Variants in DYNC1I1 observed in about 807,000 individuals in gnomAD.
DYNC1I1 encodes cytoplasmic dynein 1 intermediate chain 1.
In DYNC1I1, 43 loss-of-function variants were observed where a neutral mutation model predicts 86.6. The ratio of observed to expected loss-of-function variants is 0.50; its 90% CI spans 0.39 to 0.64. The LOEUF (loss-of-function observed/expected upper bound fraction) is 0.64. Among genes scored for constraint, DYNC1I1 ranks in the 30% least tolerant of loss-of-function variants. The pLI is 0.00. For missense variants in DYNC1I1, 604 were observed against 788.8 expected (o/e 0.77, Z 2.81); for synonymous variants, 262 against 283.7 (o/e 0.92, Z 0.77).
intron 5 of DYNC1I1, among the ~76,000 whole-genome samples, chr7:95,842,827 C>T (rs1284797565): frequency 6.6e-6 from 1 of 151,842 alleles, no homozygotes; most frequent in Non-Finnish European, 1.5e-5. Context: ...GCCTCCTATT[C>T]TGTTTTTTTG....
At chr7:95,819,253 C>G (rs935963518) in intron 4 of DYNC1I1, among the ~76,000 whole-genome samples, 15 of 152,238 alleles carry the variant, frequency 9.9e-5, no homozygotes, top group Admixed American at 4.6e-4. Context: ...AGTTACTATT[C>G]AGTTTCTTAT....
intron 5 of DYNC1I1, among the ~76,000 whole-genome samples, chr7:95,849,145 T>G (rs1562920985): frequency 1.3e-5 from 2 of 152,210 alleles, no homozygotes. Flanking sequence ...GATGTAAGTT[T>G]GCAAATATTT....
intron 13 of DYNC1I1, 109 bp downstream of exon 13, chr7:96,035,861 T>G (rs1371949412): frequency 6.5e-7 from 1 of 1,536,208 alleles, no homozygotes; most frequent in Non-Finnish European, 8.8e-7. Context: ...TCTGGAAAAA[T>G]GGAAAGCACG....
At chr7:96,060,445 C>T (rs781080679) in intron 14 of DYNC1I1, among the ~76,000 whole-genome samples, 6 of 152,232 alleles carry the variant, frequency 3.9e-5, no homozygotes, top group Non-Finnish European at 7.3e-5. Context: ...AGATACCCCA[C>T]AATCCCTCAA....
chr7:95,812,679 C>T (rs1454933922), intron 3 of DYNC1I1, among the ~76,000 whole-genome samples: 1 of 152,176 alleles, frequency 6.6e-6, no homozygotes, highest in African/African-American at 2.4e-5. Context: ...CCAGTTTCAA[C>T]ATTTACCCTT....
chr7:95,928,800 T>A (rs968803792), intron 6 of DYNC1I1, among the ~76,000 whole-genome samples: 1 of 152,174 alleles, frequency 6.6e-6, no homozygotes, highest in Non-Finnish European at 1.5e-5. Context: ...CAAATGGAGA[T>A]AATAATAGTC....
At chr7:96,103,826 A>G (rs1329691968) in intron 16 of DYNC1I1, among the ~76,000 whole-genome samples, 1 of 152,054 alleles carries the variant, frequency 6.6e-6, no homozygotes, top group Non-Finnish European at 1.5e-5. Flanking sequence ...GTTAGCAAGG[A>G]TGGTCTGGAT....
At chr7:95,900,433 A>G (rs1256427367) in intron 6 of DYNC1I1, among the ~76,000 whole-genome samples, 1 of 152,098 alleles carries the variant, frequency 6.6e-6, no homozygotes, top group African/African-American at 2.4e-5. Context: ...CCTGGATACA[A>G]TATACACATT....
intron 10 of DYNC1I1, among the ~76,000 whole-genome samples, chr7:96,012,278 C>T (rs371159024): frequency 2.6e-5 from 4 of 152,132 alleles, no homozygotes; most frequent in African/African-American, 7.2e-5. Flanking sequence ...CAAATAACAG[C>T]AGAGTTTGGG....
chr7:96,063,188 A>G (rs1307685472), intron 14 of DYNC1I1, among the ~76,000 whole-genome samples: 1 of 151,814 alleles, frequency 6.6e-6, no homozygotes, highest in African/African-American at 2.4e-5. Context: ...GAGGCGCAAT[A>G]TAGCTGATGG....
chr7:96,057,534 C>T (rs186832612), intron 14 of DYNC1I1, among the ~76,000 whole-genome samples: 33 of 152,238 alleles, frequency 2.2e-4, no homozygotes, highest in African/African-American at 7.5e-4. Flanking sequence ...AAATTATCTA[C>T]CAGGTTTTTT....
At chr7:95,808,749 G>C (rs17486495) in intron 2 of DYNC1I1, among the ~76,000 whole-genome samples, 23,684 of 152,136 alleles carry the variant, frequency 0.16, 2,298 homozygotes, top group East Asian at 0.27. Flanking sequence ...TCCTCTCTGG[G>C]TTTCAGCTGT....
At chr7:96,092,372 GTCCTAGAAGATGGATCTTACAA>G (rs1327008229) in intron 16 of DYNC1I1, among the ~76,000 whole-genome samples, 1 of 152,140 alleles carries the variant, frequency 6.6e-6, no homozygotes, top group Non-Finnish European at 1.5e-5. Context: ...TTAATATACA[GTCCTAGAAGATGGATCTTACAA>G]TTTGTTTCAC....
chr7:96,043,438 A>G (rs1789116628), intron 14 of DYNC1I1, among the ~76,000 whole-genome samples: 1 of 152,082 alleles, frequency 6.6e-6, no homozygotes, highest in African/African-American at 2.4e-5. Flanking sequence ...CAATCAACCA[A>G]ACCCAGACCG....
intron 14 of DYNC1I1, among the ~76,000 whole-genome samples, chr7:96,050,596 A>G (rs1280556232): frequency 6.6e-6 from 1 of 152,152 alleles, no homozygotes. Flanking sequence ...CTAAGTTCCT[A>G]AACAATACCC....
rs545785438 is a variant in DYNC1I1, at chr7:96,092,056, T to G, written c.1777-5427T>G. Among the ~76,000 whole-genome samples the G allele has an allele frequency of 4.6e-5, 7 of 152,252 alleles. No homozygotes were observed. In the East Asian group the frequency reaches 1.4e-3, roughly 29 times the overall value. Reference sequence around the variant, plus strand: ...AGCAACTCTGAAAGAATTTTTCTTGTGATTTGAAAGAACTCTTTCCCTGTC... The same window carrying G: ...AGCAACTCTGAAAGAATTTTTCTTGGGATTTGAAAGAACTCTTTCCCTGTC... On this transcript the variant is annotated intron_variant, in intron 16 of 16. Coordinates refer to ENST00000447467, the MANE Select transcript of DYNC1I1 (RefSeq NM_001135556.2).
At chr7:96,030,261 T>G (rs1259267787) in intron 11 of DYNC1I1, among the ~76,000 whole-genome samples, 1 of 151,428 alleles carries the variant, frequency 6.6e-6, no homozygotes, top group African/African-American at 2.4e-5. Context: ...CCAAGATAAA[T>G]AAAAACAATC....
At chr7:95,856,701 C>T (rs1420460740) in intron 5 of DYNC1I1, among the ~76,000 whole-genome samples, 1 of 152,162 alleles carries the variant, frequency 6.6e-6, no homozygotes, top group African/African-American at 2.4e-5. Flanking sequence ...GGTTTGCTGG[C>T]CGGGTGTGGT....
chr7:95,932,842 T>A (rs1791934646), intron 6 of DYNC1I1, among the ~76,000 whole-genome samples: 1 of 152,002 alleles, frequency 6.6e-6, no homozygotes, highest in South Asian at 2.1e-4. Context: ...CATTTTAAAG[T>A]TTTCTAGTTT....
Sources: gnomAD v4.1 joint callset for allele counts (sites outside exome capture counted in the v4.1 genomes callset) on GRCh38, gnomAD v4.1.1 for gene constraint, MANE v1.5 for transcripts, NCBI Gene and HGNC (gene_info 2026-07-23, HGNC 2026-07-21) for gene names.